Variants in TMEM132B observed in about 807,000 individuals in gnomAD.
TMEM132B encodes transmembrane protein 132B.
In TMEM132B, 18 loss-of-function variants were observed where a neutral mutation model predicts 90.8. The observed-to-expected ratio is 0.20, with a 90% CI of 0.14 to 0.29. The LOEUF (loss-of-function observed/expected upper bound fraction) is 0.29. Among genes scored for constraint, TMEM132B ranks in the 10% least tolerant of loss-of-function variants. The pLI is 1.00. For synonymous variants in TMEM132B, 504 were observed against 523.3 expected (o/e 0.96, Z 0.50); for missense variants, 1,096 against 1,326.8 (o/e 0.83, Z 2.70).
intron 5 of TMEM132B, among the ~76,000 whole-genome samples, chr12:125,594,713 G>T (rs1008430043): frequency 6.6e-6 from 1 of 152,096 alleles, no homozygotes; most frequent in South Asian, 2.1e-4. Flanking sequence ...TTTAAATTAG[G>T]TTATTGTAAA....
At chr12:125,609,121 G>A (rs955765887) in intron 5 of TMEM132B, among the ~76,000 whole-genome samples, 2 of 152,058 alleles carry the variant, frequency 1.3e-5, no homozygotes, top group Non-Finnish European at 2.9e-5. Context: ...AGAACATCAT[G>A]GGGGAAACCA....
intron 1 of TMEM132B, among the ~76,000 whole-genome samples, chr12:125,243,032 T>TATATATATACACAC (rs1215676534): frequency 7.4e-5 from 10 of 135,004 alleles, no homozygotes; most frequent in African/African-American, 2.8e-4. Flanking sequence ...TATATATATA[T>TATATATATACACAC]ACACACACAC....
At chr12:125,505,696 C>T (rs916454653) in intron 3 of TMEM132B, among the ~76,000 whole-genome samples, 1 of 143,886 alleles carries the variant, frequency 6.9e-6, no homozygotes, top group Non-Finnish European at 1.5e-5. Context: ...GAAACCCCGT[C>T]TCAGAAAAAA....
At position 125,224,587 on chromosome 12, in the gene TMEM132B, C is replaced by T. The variant is rs1295615169; in HGVS notation, c.67+37721C>T. On this transcript the variant is annotated intron_variant, in intron 1 of 8. Transcript: ENST00000682704. ...GTGCTTCCTGAGGGATTGGAGCTGC[C>T]CAGGCAGACCCTTCCCTGCCTGTCT... Among the ~76,000 whole-genome samples the T allele has an allele frequency of 5.3e-5, 8 of 152,292 alleles. No homozygotes were observed. In the East Asian group the frequency reaches 1.5e-3, roughly 29 times the overall value.
At chr12:125,188,859 A>AAAG (rs1957777209) in intron 1 of TMEM132B, among the ~76,000 whole-genome samples, 1 of 143,126 alleles carries the variant, frequency 7.0e-6, no homozygotes, top group Admixed American at 7.0e-5. Context: ...TGGCAAAAAA[A>AAAG]AAAAAAAAAA....
At position 125,519,455 on chromosome 12, in the gene TMEM132B, T is replaced by C. The variant is rs778132391; in HGVS notation, c.1123T>C (p.Tyr375His). 1.7e-5 allele frequency: 28 copies of C among 1,612,202 alleles called. No individual in the cohort carries two copies. The highest frequency in any genetic ancestry group is 2.1e-5 in the Non-Finnish European group (25 of 1,179,000). ...DTQSRVNGSF[Y>H]EILQVDFGID... Reference sequence around the variant, plus strand: ...GTTTTCCAGGGTAAATGGATCCTTCTATGAGATCTTGCAAGTGGACTTTGG... The same window carrying C: ...GTTTTCCAGGGTAAATGGATCCTTCCATGAGATCTTGCAAGTGGACTTTGG... The change falls in exon 4 of 9, where the codon TAT becomes CAT. Residue 375 changes from tyrosine to histidine, a missense_variant. Coordinates refer to ENST00000682704, the MANE Select transcript of TMEM132B (RefSeq NM_001366854.1).
chr12:125,415,214 C>T lies in TMEM132B; in HGVS notation c.960-317C>T, dbSNP rs995073605. Among the ~76,000 whole-genome samples, 6 of 152,226 alleles carry T rather than the reference C, an allele frequency of 3.9e-5. No individual in the cohort carries two copies. Among genetic ancestry groups the T allele is most frequent in the African/African-American group, 1.4e-4 (6 of 41,540 alleles). On this transcript the variant is annotated intron_variant, in intron 2 of 8. Transcript: ENST00000682704. The surrounding 1 kb of genome is among the most constrained non-coding windows in gnomAD (Gnocchi z 5.3). ...CCTTGCAGATCCATCTCTTCTGGCC[C>T]GAGGCATCTGTCTCATTTGCATCAT...
At chr12:125,497,925 T>TTA (rs1882600667) in intron 3 of TMEM132B, among the ~76,000 whole-genome samples, 2 of 152,122 alleles carry the variant, frequency 1.3e-5, no homozygotes, top group Admixed American at 1.3e-4. Context: ...GGAGACCCGT[T>TTA]TACATCTTAG....
At chr12:125,187,973 C>T (rs1957769841) in intron 1 of TMEM132B, among the ~76,000 whole-genome samples, 1 of 152,128 alleles carries the variant, frequency 6.6e-6, no homozygotes, top group Non-Finnish European at 1.5e-5. Context: ...CACAGACAGG[C>T]AGAATGCAGT....
chr12:125,413,759 TTC>T (rs773329929), intron 2 of TMEM132B, among the ~76,000 whole-genome samples: 53 of 152,236 alleles, frequency 3.5e-4, no homozygotes, highest in Admixed American at 7.2e-4. Flanking sequence ...GGCATTTGAG[TTC>T]TTTCAGTCTT....
Position 125,213,554 on chromosome 12 carries a change from G to T in TMEM132B, c.67+26688G>T, listed in dbSNP as rs1289345719. ...AGATTCTTTCATTTTTAGTCAAATGGCTTCTAACTGGTCACTCTCTGGCTT... is the reference window on the plus strand; with the variant it reads ...AGATTCTTTCATTTTTAGTCAAATGTCTTCTAACTGGTCACTCTCTGGCTT... On this transcript the variant is annotated intron_variant, in intron 1 of 8. Transcript: ENST00000682704. This position sits in a 1 kb window ranked among gnomAD's most constrained non-coding sequence, Gnocchi z 4.2. 1.3e-5 allele frequency among the ~76,000 whole-genome samples: 2 copies of T among 152,174 alleles called. No individual in the cohort carries two copies. The highest frequency in any genetic ancestry group is 4.8e-5 in the African/African-American group (2 of 41,436).
chr12:125,322,821 T>C (rs894387941), intron 1 of TMEM132B, among the ~76,000 whole-genome samples: 12 of 152,076 alleles, frequency 7.9e-5, no homozygotes, highest in Non-Finnish European at 1.5e-5. Flanking sequence ...GATTAGCATT[T>C]CCCCCCAATG....
chr12:125,253,124 A>ACC (rs1874352770), intron 1 of TMEM132B, among the ~76,000 whole-genome samples: 1 of 151,852 alleles, frequency 6.6e-6, no homozygotes. Flanking sequence ...AGAGGAAATG[A>ACC]CCCCCTCGTG....
chr12:125,502,281 G>C (rs1051484338), intron 3 of TMEM132B, among the ~76,000 whole-genome samples: 8 of 152,070 alleles, frequency 5.3e-5, no homozygotes, highest in Non-Finnish European at 1.0e-4. Context: ...CAGTAGAATG[G>C]GCTATTTTAT....
At chr12:125,516,751 A>G (rs1243062683) in intron 3 of TMEM132B, among the ~76,000 whole-genome samples, 1 of 152,196 alleles carries the variant, frequency 6.6e-6, no homozygotes, top group Non-Finnish European at 1.5e-5. Context: ...CTTCCCTGGC[A>G]TTAGCTTCTC....
In TMEM132B at chr12:125,455,565, G is replaced by A. The variant is rs552784028; in HGVS notation, c.1106+39888G>A. The stretch of plus-strand genomic sequence containing the variant: ...TTTGTGTGATTTTGGTGGGGGCAGT[G>A]TCTTTATTCTTTCTTTACTATTTTC... On this transcript the variant is annotated intron_variant, in intron 3 of 8. Transcript: ENST00000682704. Among the ~76,000 whole-genome samples the A allele has an allele frequency of 2.0e-5, 3 of 152,206 alleles. No individual in the cohort carries two copies. In the South Asian group the frequency reaches 6.2e-4, roughly 32 times the overall value.
At chr12:125,383,301 C>T (rs768950999) in intron 2 of TMEM132B, among the ~76,000 whole-genome samples, 1 of 152,162 alleles carries the variant, frequency 6.6e-6, no homozygotes, top group Non-Finnish European at 1.5e-5. Context: ...CTCGTAGCAA[C>T]ATACCACCCA....
chr12:125,554,998 G>A (rs560226652), intron 4 of TMEM132B, among the ~76,000 whole-genome samples: 1 of 152,324 alleles, frequency 6.6e-6, no homozygotes, highest in Admixed American at 6.5e-5. Flanking sequence ...CATGTGAATT[G>A]AATAATGGAC....
intron 3 of TMEM132B, among the ~76,000 whole-genome samples, chr12:125,496,130 A>T (rs534605755): frequency 1.4e-3 from 217 of 152,304 alleles, no homozygotes; most frequent in Non-Finnish European, 2.7e-3. Context: ...ACTTAACTCC[A>T]GTTTTTGAAA....
Sources: allele counts gnomAD v4.1 joint callset (sites outside exome capture counted in the v4.1 genomes callset), GRCh38; gene constraint gnomAD v4.1.1; non-coding constraint Gnocchi (gnomAD v3.1); transcripts MANE v1.5; gene names NCBI Gene and HGNC (gene_info 2026-07-23, HGNC 2026-07-21).